The following TMEM131L variants were observed in gnomAD, a reference collection of about 807,000 sequenced individuals.
The protein encoded by TMEM131L is transmembrane protein 131-like.
In TMEM131L, 54 loss-of-function variants were observed where a neutral mutation model predicts 192.2. The observed-to-expected ratio is 0.28, with a 90% confidence interval of 0.23 to 0.35. The LOEUF (loss-of-function observed/expected upper bound fraction) is 0.35. Among genes scored for constraint, TMEM131L ranks in the 10% least tolerant of loss-of-function variants. The pLI is 1.00. For synonymous variants in TMEM131L, 701 were observed against 704.9 expected (o/e 0.99, Z 0.09); for missense variants, 1,888 against 1,972.9 (o/e 0.96, Z 0.82).
At chr4:153,550,023 A>C (rs535065838) in intron 3 of TMEM131L, 50 bp from the exon 4 acceptor site, 1 of 906,990 alleles carries the variant, frequency 1.1e-6, no homozygotes, top group African/African-American at 1.7e-5. Context: ...ATATCTCAGC[A>C]TTTAAATGTT....
chr4:153,539,979 G>C (rs1242449142), intron 3 of TMEM131L, among the ~76,000 whole-genome samples: 1 of 151,970 alleles, frequency 6.6e-6, no homozygotes, highest in African/African-American at 2.4e-5. Context: ...GCATGGTGGC[G>C]GGTGCCTGTA....
At chr4:153,502,391 G>GTT (rs1470058256) in intron 3 of TMEM131L, among the ~76,000 whole-genome samples, 1 of 152,158 alleles carries the variant, frequency 6.6e-6, no homozygotes, top group Non-Finnish European at 1.5e-5. Context: ...CAGCTACTGG[G>GTT]TTTGGCAGCT....
At chr4:153,618,563 T>C (rs1578877954) in intron 26 of TMEM131L, among the ~76,000 whole-genome samples, 1 of 151,850 alleles carries the variant, frequency 6.6e-6, no homozygotes, top group Non-Finnish European at 1.5e-5. Context: ...TTAAATGGCT[T>C]ATGAGATGCT....
intron 3 of TMEM131L, among the ~76,000 whole-genome samples, chr4:153,506,843 CAAAAAAA>C (rs369133768): frequency 5.7e-5 from 5 of 88,228 alleles, no homozygotes; most frequent in Admixed American, 2.3e-4. Context: ...ACTCTGTATC[CAAAAAAA>C]AAAAAAAAAA....
Position 153,596,016 on chromosome 4 carries a change from A to G in TMEM131L, c.1996-242A>G, listed in dbSNP as rs147851435. 2.8e-3 allele frequency among the ~76,000 whole-genome samples: 421 copies of G among 152,292 alleles called. 3 individuals are homozygous for G. Among genetic ancestry groups the G allele is most frequent in the Middle Eastern group, 0.02 (6 of 294 alleles). ...CAACTTCCATTCAAACCAGGAAGCA[A>G]ATCCCCTCTCCAGCATCTGTGTGAG... is the stretch of plus-strand genomic sequence containing the variant. On this transcript the variant is annotated intron_variant, in intron 19 of 34. Transcript: ENST00000409959.
rs1734604632 is a variant in TMEM131L, at chr4:153,636,681, C to T, written c.*105C>T. The stretch of plus-strand genomic sequence containing the variant: ...TATGACATTGGTGGATATTTTGGCA[C>T]TTTTATATGAAAATAAATTTTTTAA... On this transcript the variant is annotated 3_prime_UTR_variant, in exon 35 of 35. Coordinates refer to ENST00000409959, the MANE Select transcript of TMEM131L (RefSeq NM_001131007.2). 1 of 1,147,186 alleles carries T rather than the reference C, an allele frequency of 8.7e-7. No homozygotes were observed. Among genetic ancestry groups the T allele is most frequent in the African/African-American group, 1.6e-5 (1 of 63,814 alleles). 71.1% of individuals were successfully genotyped at this position (1,147,186 alleles called of 1,614,324 possible). A position where few individuals can be genotyped will look rare whatever the true frequency, so the allele number is the denominator to read the frequency against.
intron 7 of TMEM131L, among the ~76,000 whole-genome samples, chr4:153,577,770 C>G (rs1730056309): frequency 6.6e-6 from 1 of 152,122 alleles, no homozygotes; most frequent in Non-Finnish European, 1.5e-5. Flanking sequence ...AAGGGGTTTT[C>G]AGGTTTCTGG....
intron 28 of TMEM131L, 21 bp from the exon 29 acceptor site, chr4:153,622,877 G>C: frequency 6.2e-7 from 1 of 1,612,900 alleles, no homozygotes; most frequent in South Asian, 1.1e-5. Flanking sequence ...AGGGAAACAT[G>C]ACTCCTTTCA....
In TMEM131L at chr4:153,548,011, G is replaced by C. The variant is rs115680704; in HGVS notation, c.240-2062G>C. Reference sequence around the variant, plus strand: ...CTCAAAATTATTTTTGGTACATGAAGTTGCCTGTTTTTTTTTTTCTTCTTC... The same window carrying C: ...CTCAAAATTATTTTTGGTACATGAACTTGCCTGTTTTTTTTTTTCTTCTTC... On this transcript the variant is annotated intron_variant, in intron 3 of 34. Transcript: ENST00000409959. Among the ~76,000 whole-genome samples, 615 of 143,242 alleles carry C rather than the reference G, an allele frequency of 4.3e-3. 3 individuals are homozygous for C. Among genetic ancestry groups the C allele is most frequent in the African/African-American group, 0.016 (579 of 35,294 alleles). 94.0% of individuals were successfully genotyped at this position (143,242 alleles called of 152,430 possible).
intron 3 of TMEM131L, among the ~76,000 whole-genome samples, chr4:153,475,419 A>T (rs1005563621): frequency 6.6e-6 from 1 of 152,230 alleles, no homozygotes; most frequent in African/African-American, 2.4e-5. Flanking sequence ...ACTTACATTT[A>T]AAAAAGTTAA....
intron 3 of TMEM131L, among the ~76,000 whole-genome samples, chr4:153,540,117 TAAAAACAA>T (rs1311523379): frequency 6.6e-5 from 9 of 135,622 alleles, no homozygotes; most frequent in African/African-American, 2.5e-4. Flanking sequence ...GTCTCAAAAA[TAAAAACAA>T]AAAAACAAAA....
chr4:153,558,246 C>T lies in TMEM131L; in HGVS notation c.550-12C>T, dbSNP rs544905990. On this transcript the variant is annotated splice_polypyrimidine_tract_variant and intron_variant, in intron 6 of 34. Coordinates refer to ENST00000409959, the MANE Select transcript of TMEM131L (RefSeq NM_001131007.2). ...TCTTAACAGAGGAGCAATTCTCTCT[C>T]TTTTTCCGCAGGTATCTGGAATTGG... 3.5e-6 allele frequency: 5 copies of T among 1,439,034 alleles called. No individual in the cohort carries two copies. Among genetic ancestry groups the T allele is most frequent in the African/African-American group, 1.4e-5 (1 of 70,724 alleles). 89.1% of individuals were successfully genotyped at this position (1,439,034 alleles called of 1,614,324 possible).
chr4:153,621,798 A>G lies in TMEM131L; in HGVS notation c.3808A>G (p.Lys1270Glu). 6.2e-7 allele frequency: 1 copy of G among 1,614,192 alleles called. No individual in the cohort carries two copies. The highest frequency in any genetic ancestry group is 8.5e-7 in the Non-Finnish European group (1 of 1,180,016). The change falls in exon 28 of 35, where the codon AAA (lysine) becomes GAA (glutamate). Residue 1270 changes from lysine (K) to glutamate (E), a missense_variant. Lys to Glu is a moderately conservative substitution (Grantham distance 56, BLOSUM62 1). Coordinates refer to ENST00000409959, the MANE Select transcript of TMEM131L (RefSeq NM_001131007.2). Reference sequence around the variant, plus strand: ...ACAGGAAAGCACTAGGGAGGTTTGTAAAGCAGATGCCGAAATTGCAAGCAG... The same window carrying G: ...ACAGGAAAGCACTAGGGAGGTTTGTGAAGCAGATGCCGAAATTGCAAGCAG... ...CIQESTREVC[K>E]ADAEIASSLP...
chr4:153,507,660 C>T (rs1167392444), intron 3 of TMEM131L, among the ~76,000 whole-genome samples: 2 of 152,200 alleles, frequency 1.3e-5, no homozygotes, highest in Non-Finnish European at 2.9e-5. Context: ...ACTTAAGTTT[C>T]TCCCATTTGA....
In TMEM131L at chr4:153,634,274, C is replaced by T. The variant is rs1734420800; in HGVS notation, c.4411C>T (p.Pro1471Ser). The T allele has an allele frequency of 1.9e-6, 3 of 1,612,288 alleles. No homozygotes were observed. The highest frequency in any genetic ancestry group is 1.3e-5 in the African/African-American group (1 of 74,634). Reference protein sequence around the residue: ...PLELNDYNAFPEENMNYANGF... With the variant: ...PLELNDYNAFSEENMNYANGF... ...GGAATTGAACGATTACAATGCCTTTCCAGAAGGTAAGGGCTCTTCAGACAA... is the reference window on the plus strand; with the variant it reads ...GGAATTGAACGATTACAATGCCTTTTCAGAAGGTAAGGGCTCTTCAGACAA... Residue 1471 changes from proline (P) to serine (S), a missense_variant, in exon 33 of 35, where the codon CCA becomes TCA. Coordinates refer to ENST00000409959, the MANE Select transcript of TMEM131L (RefSeq NM_001131007.2).
chr4:153,523,491 C>G (rs1735260075), intron 3 of TMEM131L, among the ~76,000 whole-genome samples: 1 of 152,056 alleles, frequency 6.6e-6, no homozygotes, highest in African/African-American at 2.4e-5. Flanking sequence ...TAGGAGGAAA[C>G]TAAATCTGTG....
At chr4:153,557,137 T>C in intron 6 of TMEM131L, 55 bp downstream of exon 6, 2 of 771,568 alleles carry the variant, frequency 2.6e-6, no homozygotes, top group Admixed American at 4.6e-5. Flanking sequence ...ACTGTAGGGG[T>C]GTGTGTGTAT....
intron 21 of TMEM131L, among the ~76,000 whole-genome samples, chr4:153,600,379 A>C (rs561446046): frequency 2.0e-5 from 3 of 151,618 alleles, no homozygotes; most frequent in African/African-American, 4.9e-5. Context: ...AAAAAAAAAA[A>C]AAAACATCAA....
intron 4 of TMEM131L, among the ~76,000 whole-genome samples, chr4:153,552,454 T>C (rs1737698374): frequency 6.6e-6 from 1 of 152,134 alleles, no homozygotes; most frequent in Non-Finnish European, 1.5e-5. Context: ...TGGGATTGGA[T>C]CCAGGACCCC....
Sources: gnomAD v4.1 joint callset for allele counts (sites outside exome capture counted in the v4.1 genomes callset) on GRCh38, gnomAD v4.1.1 for gene constraint, MANE v1.5 for transcripts, NCBI Gene and HGNC (gene_info 2026-07-23, HGNC 2026-07-21) for gene names.